The following UMAD1 variants were observed in gnomAD, a reference collection of about 807,000 sequenced individuals.
The protein encoded by UMAD1 is UBAP1-MVB12-associated (UMA) domain containing 1, also known as UBAP1-MVB12-associated (UMA)-domain containing protein 1.
A neutral mutation model predicts 6.1 loss-of-function variants in UMAD1; 8 were observed. That is an observed-to-expected ratio of 1.30 (90% CI 0.76 to 2.35). The LOEUF (loss-of-function observed/expected upper bound fraction) is 2.35, where lower values mean the gene tolerates loss of function less well. UMAD1 is among the 30% of genes most tolerant of loss of function. UMAD1 has a pLI of 0.00. For missense variants in UMAD1, 130 were observed against 78.4 expected, an observed-to-expected ratio of 1.66 and a Z score of -2.49; for synonymous variants, 56 against 31.4, an observed-to-expected ratio of 1.78 and a Z score of -2.61.
intron 3 of UMAD1, among the ~76,000 whole-genome samples, chr7:7,834,073 A>AGTG (rs765822165): frequency 3.1e-5 from 4 of 130,394 alleles, no homozygotes; most frequent in Non-Finnish European, 6.2e-5. Context: ...CCCAGGCTGG[A>AGTG]GTGCAATGGC....
chr7:7,857,780 A>C (rs957237150), intron 3 of UMAD1, among the ~76,000 whole-genome samples: 1 of 152,184 alleles, frequency 6.6e-6, no homozygotes, highest in African/African-American at 2.4e-5. Context: ...AACAGCCAAC[A>C]ATGTTTTTCC....
In UMAD1 at chr7:7,868,822, T is replaced by G. The variant is rs534903981; in HGVS notation, c.157-8459T>G. Among the ~76,000 whole-genome samples, 6 of 152,208 alleles carry G rather than the reference T, an allele frequency of 3.9e-5. No homozygotes were observed. The South Asian group carries it at 1.2e-3, about 32-fold the overall frequency. ...TGTATCAGTGACAACATATCCTGGG[T>G]TTTTATTTCTTTCTTTGACCTAACC... On this transcript the variant is annotated intron_variant, in intron 3 of 3. Coordinates refer to ENST00000682710, the MANE Select transcript of UMAD1 (RefSeq NM_001302348.2).
At chr7:7,693,790 A>G (rs1780238566) in intron 2 of UMAD1, among the ~76,000 whole-genome samples, 1 of 152,162 alleles carries the variant, frequency 6.6e-6, no homozygotes, top group African/African-American at 2.4e-5. Context: ...GTGATATTTT[A>G]AGTTTAAACT....
At chr7:7,644,304 AGTGTT>A (rs1785046233) in intron 1 of UMAD1, among the ~76,000 whole-genome samples, 1 of 148,546 alleles carries the variant, frequency 6.7e-6, no homozygotes, top group South Asian at 2.1e-4. Flanking sequence ...TAATGGTACA[AGTGTT>A]GTCTGTTTTT....
intron 2 of UMAD1, among the ~76,000 whole-genome samples, chr7:7,779,799 C>T (rs1782307519): frequency 6.6e-6 from 1 of 152,136 alleles, no homozygotes; most frequent in African/African-American, 2.4e-5. Context: ...TGCACACCAC[C>T]ACACCTGGCT....
chr7:7,680,302 T>C (rs1223502973), intron 2 of UMAD1, among the ~76,000 whole-genome samples: 3 of 152,158 alleles, frequency 2.0e-5, no homozygotes, highest in African/African-American at 7.2e-5. Context: ...AGACTTCCTT[T>C]TCCCAATGTA....
chr7:7,744,530 G>GT (rs1781532394), intron 2 of UMAD1, among the ~76,000 whole-genome samples: 1 of 151,352 alleles, frequency 6.6e-6, no homozygotes, highest in South Asian at 2.1e-4. Context: ...CCATTTCATA[G>GT]TCCCAACCAG....
intron 3 of UMAD1, among the ~76,000 whole-genome samples, chr7:7,850,882 T>G (rs908347074): frequency 2.0e-5 from 3 of 152,134 alleles, no homozygotes; most frequent in African/African-American, 7.2e-5. Context: ...TTTAAGTTCA[T>G]CTAAATATTA....
At chr7:7,797,661 CATCCTTAT>C (rs1782714362) in intron 2 of UMAD1, among the ~76,000 whole-genome samples, 1 of 152,060 alleles carries the variant, frequency 6.6e-6, no homozygotes, top group African/African-American at 2.4e-5. Flanking sequence ...TCCTTTCTCA[CATCCTTAT>C]ATAGCTAAAA....
At chr7:7,658,201 A>G (rs1446581261) in intron 1 of UMAD1, among the ~76,000 whole-genome samples, 1 of 152,212 alleles carries the variant, frequency 6.6e-6, no homozygotes, top group Non-Finnish European at 1.5e-5. Flanking sequence ...CAGCTTAAGG[A>G]GATTTTGGGC....
chr7:7,664,472 T>G (rs1779387620), intron 1 of UMAD1, among the ~76,000 whole-genome samples: 1 of 152,216 alleles, frequency 6.6e-6, no homozygotes, highest in Non-Finnish European at 1.5e-5. Context: ...TCCTGACGCT[T>G]ACAACTCTTC....
intron 1 of UMAD1, among the ~76,000 whole-genome samples, chr7:7,667,151 C>T (rs1006801061): frequency 1.3e-5 from 2 of 152,174 alleles, no homozygotes; most frequent in Non-Finnish European, 2.9e-5. Context: ...GAGGTAGCTC[C>T]AGGATCCCTG....
intron 2 of UMAD1, among the ~76,000 whole-genome samples, chr7:7,700,775 C>G (rs963904446): frequency 6.6e-6 from 1 of 152,112 alleles, no homozygotes; most frequent in Admixed American, 6.6e-5. Context: ...GTAATCAAAG[C>G]TACTCGGGAG....
intron 3 of UMAD1, among the ~76,000 whole-genome samples, chr7:7,832,061 G>A (rs1783478179): frequency 6.6e-6 from 1 of 152,194 alleles, no homozygotes; most frequent in African/African-American, 2.4e-5. Context: ...CCCTTTGAAT[G>A]TTGACTCTGT....
At chr7:7,808,333 C>T (rs964882026) in intron 3 of UMAD1, among the ~76,000 whole-genome samples, 3 of 151,858 alleles carry the variant, frequency 2.0e-5, no homozygotes, top group African/African-American at 7.3e-5. Flanking sequence ...CCTGTAGGGG[C>T]CCAGTTTTGA....
At position 7,795,828 on chromosome 7, in the gene UMAD1, C is replaced by G. The variant is rs180940031; in HGVS notation, c.83-5842C>G. On this transcript the variant is annotated intron_variant, in intron 2 of 3. Coordinates refer to ENST00000682710, the MANE Select transcript of UMAD1 (RefSeq NM_001302348.2). ...GAGGATGACCAGAGGCCACTTTCAT[C>G]ACCATTTTGGTTTTGGCTTCCTTCT... Among the ~76,000 whole-genome samples, 55 of 152,308 alleles carry G rather than the reference C, an allele frequency of 3.6e-4. No homozygotes were observed. In the East Asian group the frequency reaches 6.0e-3, roughly 17 times the overall value.
At chr7:7,740,480 A>G (rs1781440678) in intron 2 of UMAD1, among the ~76,000 whole-genome samples, 3 of 152,248 alleles carry the variant, frequency 2.0e-5, no homozygotes, top group South Asian at 4.1e-4. Context: ...CAAGTTTTCT[A>G]TCAACTCTTA....
intron 2 of UMAD1, among the ~76,000 whole-genome samples, chr7:7,697,666 G>C (rs1024540927): frequency 2.0e-5 from 3 of 152,080 alleles, no homozygotes; most frequent in African/African-American, 7.2e-5. Context: ...TGTGACATTG[G>C]CACCCAGTGT....
chr7:7,871,642 T>C (rs1784334918), intron 3 of UMAD1, among the ~76,000 whole-genome samples: 1 of 152,192 alleles, frequency 6.6e-6, no homozygotes, highest in Non-Finnish European at 1.5e-5. Context: ...CTTCATCATC[T>C]TCATCTTTTG....
Sources: allele counts gnomAD v4.1 joint callset (sites outside exome capture counted in the v4.1 genomes callset), GRCh38; gene constraint gnomAD v4.1.1; transcripts MANE v1.5; gene names NCBI Gene and HGNC (gene_info 2026-07-23, HGNC 2026-07-21).